The following KIT variants were observed in gnomAD, a reference collection of about 807,000 sequenced individuals.
KIT encodes the protein KIT proto-oncogene, receptor tyrosine kinase, also known as mast/stem cell growth factor receptor Kit.
In KIT, 16 loss-of-function variants were observed where a neutral mutation model predicts 105.7. That is an observed-to-expected ratio of 0.15 (90% CI 0.10 to 0.23). The LOEUF (loss-of-function observed/expected upper bound fraction) is 0.23. Ranked by LOEUF, KIT falls within the 10% of genes least tolerant of loss-of-function variation. KIT has a pLI of 1.00. For missense variants in KIT, 858 were observed against 1,213.8 expected (o/e 0.71, Z 4.36); for synonymous variants, 438 against 441.1 (o/e 0.99, Z 0.09).
intron 19 of KIT, 33 bp downstream of exon 19, chr4:54,736,853 G>A (rs1578007868): frequency 1.3e-6 from 2 of 1,518,962 alleles, no homozygotes; most frequent in South Asian, 1.1e-5. Flanking sequence ...TTTAGGTCAC[G>A]TTTTCCCTTT....
chr4:54,697,309 C>G (rs1269517852), intron 2 of KIT, among the ~76,000 whole-genome samples: 2 of 152,126 alleles, frequency 1.3e-5, no homozygotes, highest in Non-Finnish European at 2.9e-5. Context: ...AAACACAAAC[C>G]TATTTCAATG....
At chr4:54,725,058 A>G (rs1033571961) in intron 8 of KIT, among the ~76,000 whole-genome samples, 1 of 151,958 alleles carries the variant, frequency 6.6e-6, no homozygotes, top group Non-Finnish European at 1.5e-5. Flanking sequence ...TAGAACTCAA[A>G]CTTCAGTCCT....
At chr4:54,665,612 A>G (rs538542921) in intron 1 of KIT, among the ~76,000 whole-genome samples, 3 of 152,290 alleles carry the variant, frequency 2.0e-5, no homozygotes, top group Non-Finnish European at 4.4e-5. Context: ...GAGAACTGGA[A>G]TTATCATGGG....
intron 2 of KIT, among the ~76,000 whole-genome samples, chr4:54,696,616 T>C (rs1303785044): frequency 2.0e-5 from 3 of 152,240 alleles, no homozygotes; most frequent in East Asian, 1.9e-4. Flanking sequence ...ATTGGAGATC[T>C]TAGGTACCTC....
intron 7 of KIT, among the ~76,000 whole-genome samples, chr4:54,720,607 T>G (rs1159253325): frequency 6.6e-6 from 1 of 152,194 alleles, no homozygotes; most frequent in East Asian, 1.9e-4. Flanking sequence ...AAATAGAAAC[T>G]TTTCATCACC....
At chr4:54,669,852 A>G (rs1717983784) in intron 1 of KIT, among the ~76,000 whole-genome samples, 1 of 152,212 alleles carries the variant, frequency 6.6e-6, no homozygotes, top group Non-Finnish European at 1.5e-5. Context: ...CCAGTTCAAA[A>G]AAGAGGAAAG....
intron 1 of KIT, among the ~76,000 whole-genome samples, chr4:54,678,345 C>A (rs1250792429): frequency 2.0e-5 from 2 of 99,488 alleles, no homozygotes; most frequent in Admixed American, 9.5e-5. Flanking sequence ...TCCTTCCTTC[C>A]TTCCTTCCCT....
intron 1 of KIT, among the ~76,000 whole-genome samples, chr4:54,691,575 G>T (rs536797751): frequency 1.3e-5 from 2 of 152,074 alleles, no homozygotes; most frequent in African/African-American, 4.8e-5. Context: ...GGTTGGGTCC[G>T]GGGAAAACAG....
At chr4:54,682,193 G>C (rs1462965784) in intron 1 of KIT, among the ~76,000 whole-genome samples, 2 of 150,120 alleles carry the variant, frequency 1.3e-5, no homozygotes, top group Non-Finnish European at 1.5e-5. Flanking sequence ...GGGCTCAAGC[G>C]ATCCTCCCAC....
At chr4:54,705,495 T>C (rs1451212173) in intron 5 of KIT, among the ~76,000 whole-genome samples, 1 of 152,234 alleles carries the variant, frequency 6.6e-6, no homozygotes, top group Non-Finnish European at 1.5e-5. Flanking sequence ...TACATATAGA[T>C]AGTAAGAATA....
chr4:54,705,004 A>C (rs1186439111), intron 5 of KIT, among the ~76,000 whole-genome samples: 1 of 152,226 alleles, frequency 6.6e-6, no homozygotes, highest in Non-Finnish European at 1.5e-5. Context: ...AATTATAGTC[A>C]GCACACAGAA....
chr4:54,675,511 T>C (rs1259819432), intron 1 of KIT, among the ~76,000 whole-genome samples: 1 of 152,228 alleles, frequency 6.6e-6, no homozygotes, highest in Admixed American at 6.5e-5. Flanking sequence ...TTCTGATGAA[T>C]GTTGAAACAA....
chr4:54,738,917 C>T lies in KIT; in HGVS notation c.*360C>T. 1.7e-6 allele frequency: 1 copy of T among 590,824 alleles called. No individual in the cohort carries two copies. The highest frequency in any genetic ancestry group is 3.1e-5 in the Admixed American group (1 of 32,768). The allele number at this position is 590,824 out of a possible 1,614,324, so 36.6% of individuals were successfully genotyped here. ...TTACCTGAATAAATGGTAGTAATCA[C>T]AGTTGGCCTTCAGAACCATCCATAG... On this transcript the variant is annotated 3_prime_UTR_variant, in exon 21 of 21. Transcript: ENST00000288135.
At position 54,723,616 on chromosome 4, in the gene KIT, G is replaced by A. The variant is rs1560414398; in HGVS notation, c.1264G>A (p.Val422Met). Residue 422 changes from valine (V) to methionine (M), a missense_variant, in exon 8 of 21, where the codon GTG (valine) becomes ATG (methionine). This residue lies in a region of KIT where 401 missense variants were observed against 601.0 expected (regional missense o/e 0.67). Transcript: ENST00000288135. ...KPEILTYDRL[V>M]NGMLQCVAAG... ...AGAAATCCTGACTTACGACAGGCTCGTGAATGGCATGCTCCAATGTGTGGC... is the reference window on the plus strand; with the variant it reads ...AGAAATCCTGACTTACGACAGGCTCATGAATGGCATGCTCCAATGTGTGGC... 4 of 1,614,038 alleles carry A rather than the reference G, an allele frequency of 2.5e-6. No homozygotes were observed. Among genetic ancestry groups the A allele is most frequent in the Admixed American group, 1.7e-5 (1 of 60,012 alleles).
intron 1 of KIT, among the ~76,000 whole-genome samples, chr4:54,661,894 T>G (rs1717299698): frequency 6.6e-6 from 1 of 152,210 alleles, no homozygotes; most frequent in South Asian, 2.1e-4. Flanking sequence ...ATTTCTGACA[T>G]TTTTTGGATG....
At chr4:54,667,603 G>T (rs1390508049) in intron 1 of KIT, among the ~76,000 whole-genome samples, 1 of 152,196 alleles carries the variant, frequency 6.6e-6, no homozygotes, top group Non-Finnish European at 1.5e-5. Flanking sequence ...GCAAAGGTTA[G>T]AGTTAGCCGG....
At chr4:54,668,728 T>G (rs185990184) in intron 1 of KIT, among the ~76,000 whole-genome samples, 2 of 152,362 alleles carry the variant, frequency 1.3e-5, no homozygotes, top group East Asian at 3.9e-4. Flanking sequence ...ACGTTGGCTG[T>G]CTGTTATTCT....
chr4:54,687,452 T>TA (rs939761477), intron 1 of KIT, among the ~76,000 whole-genome samples: 4 of 151,114 alleles, frequency 2.6e-5, no homozygotes, highest in East Asian at 1.9e-4. Context: ...AAAAAAAAAA[T>TA]AAAAAAAAGA....
At chr4:54,662,682 C>T (rs1411255214) in intron 1 of KIT, among the ~76,000 whole-genome samples, 1 of 152,130 alleles carries the variant, frequency 6.6e-6, no homozygotes, top group African/African-American at 2.4e-5. Context: ...AAGCGATTCT[C>T]CTGCCTCAGC....
Sources: allele counts gnomAD v4.1 joint callset (sites outside exome capture counted in the v4.1 genomes callset), GRCh38; gene constraint gnomAD v4.1.1; regional missense constraint gnomAD v4.1.1; transcripts MANE v1.5; gene names NCBI Gene and HGNC (gene_info 2026-07-23, HGNC 2026-07-21).